CHST11: variants seen among roughly 807,000 people sequenced by gnomAD.
CHST11 encodes C4S-1.
Under a neutral mutation model 30.4 loss-of-function variants are expected in CHST11, and 9 were observed. That is an observed-to-expected ratio of 0.30 (90% CI 0.18 to 0.52). The LOEUF is 0.52. CHST11 is among the 20% of genes least tolerant of loss of function. The probability of loss-of-function intolerance (pLI) is 0.97; values close to 1 mark genes in which losing one functional copy is unlikely to be tolerated. For missense variants in CHST11, 348 were observed against 460.6 expected, an observed-to-expected ratio of 0.76 and a Z score of 2.24; for synonymous variants, 152 against 187.8, an observed-to-expected ratio of 0.81 and a Z score of 1.56.
chr12:104,713,946 T>C (rs1013750477), intron 2 of CHST11, among the ~76,000 whole-genome samples: 1 of 152,136 alleles, frequency 6.6e-6, no homozygotes, highest in African/African-American at 2.4e-5. Context: ...GGCAGTGGGT[T>C]CTCCTTGGGT....
chr12:104,687,833 T>C (rs946129158), intron 2 of CHST11, among the ~76,000 whole-genome samples: 1 of 151,796 alleles, frequency 6.6e-6, no homozygotes, highest in Non-Finnish European at 1.5e-5. Context: ...ACACCAACAA[T>C]ATTTCCTGGA....
chr12:104,750,278 C>T (rs915500074), intron 2 of CHST11, among the ~76,000 whole-genome samples: 1 of 151,966 alleles, frequency 6.6e-6, no homozygotes, highest in East Asian at 1.9e-4. Flanking sequence ...ACTCCAAACA[C>T]CCTGACCCAC....
At chr12:104,611,392 TA>T (rs1259027016) in intron 2 of CHST11, among the ~76,000 whole-genome samples, 4 of 152,230 alleles carry the variant, frequency 2.6e-5, no homozygotes, top group Non-Finnish European at 5.9e-5. Flanking sequence ...TGCTGGTCTG[TA>T]AAATGCCCCG....
intron 1 of CHST11, among the ~76,000 whole-genome samples, chr12:104,501,884 C>T (rs944718332): frequency 6.6e-6 from 1 of 152,218 alleles, no homozygotes; most frequent in African/African-American, 2.4e-5. Context: ...AATTGTTAAT[C>T]AGACACGTGG....
At chr12:104,694,952 G>C (rs578208056) in intron 2 of CHST11, among the ~76,000 whole-genome samples, 1 of 152,176 alleles carries the variant, frequency 6.6e-6, no homozygotes, top group South Asian at 2.1e-4. Flanking sequence ...GGCTGAGGGG[G>C]TTCCCACCGG....
At chr12:104,690,380 A>G (rs968125599) in intron 2 of CHST11, among the ~76,000 whole-genome samples, 6 of 152,198 alleles carry the variant, frequency 3.9e-5, no homozygotes, top group African/African-American at 9.7e-5. Flanking sequence ...GCTAAAAACT[A>G]TTCTTAAAGT....
At chr12:104,615,412 G>A (rs2039099509) in intron 2 of CHST11, among the ~76,000 whole-genome samples, 2 of 152,258 alleles carry the variant, frequency 1.3e-5, no homozygotes, top group Non-Finnish European at 2.9e-5. Context: ...GGCAAGCTCA[G>A]TGCTTGCCTG....
chr12:104,749,735 G>A (rs1380170533), intron 2 of CHST11, among the ~76,000 whole-genome samples: 1 of 152,216 alleles, frequency 6.6e-6, no homozygotes, highest in African/African-American at 2.4e-5. Flanking sequence ...GTTGCTGAGG[G>A]GTTATGACAG....
chr12:104,637,375 T>A (rs977851411), intron 2 of CHST11, among the ~76,000 whole-genome samples: 1 of 129,776 alleles, frequency 7.7e-6, no homozygotes, highest in Non-Finnish European at 1.6e-5. Flanking sequence ...TTAGGAGATA[T>A]ACCTAATGCT....
At chr12:104,510,020 T>C (rs1040385755) in intron 1 of CHST11, among the ~76,000 whole-genome samples, 1 of 152,174 alleles carries the variant, frequency 6.6e-6, no homozygotes, top group Non-Finnish European at 1.5e-5. Context: ...GTGAAGGTCA[T>C]CTACTTTTTT....
chr12:104,656,057 C>G (rs963967525), intron 2 of CHST11, among the ~76,000 whole-genome samples: 1 of 152,178 alleles, frequency 6.6e-6, no homozygotes, highest in African/African-American at 2.4e-5. Flanking sequence ...GGGGTAGTTC[C>G]TAGACCTAGA....
rs541153424 is a variant in CHST11, at chr12:104,661,293, G to A, written c.204+59302G>A. Among the ~76,000 whole-genome samples the A allele has an allele frequency of 3.9e-5, 6 of 152,268 alleles. No individual in the cohort carries two copies. In the South Asian group the frequency reaches 8.3e-4, roughly 21 times the overall value. ...TGTAATCCTAGCACTTTGGAAGGGC[G>A]AGGCGGGTAGATCGCTGGAGATTAC... On this transcript the variant is annotated intron_variant, in intron 2 of 2. Coordinates refer to ENST00000303694, the MANE Select transcript of CHST11 (RefSeq NM_018413.6).
intron 1 of CHST11, among the ~76,000 whole-genome samples, chr12:104,469,091 C>G (rs1282141192): frequency 6.6e-6 from 1 of 152,210 alleles, no homozygotes; most frequent in African/African-American, 2.4e-5. Context: ...AGATGCTGTT[C>G]TATTTAATTC....
intron 1 of CHST11, among the ~76,000 whole-genome samples, chr12:104,460,078 A>ATC (rs1291894623): frequency 6.6e-6 from 1 of 152,222 alleles, no homozygotes; most frequent in Non-Finnish European, 1.5e-5. Context: ...CTGATGTGGA[A>ATC]TCTCTTTCAC....
intron 1 of CHST11, among the ~76,000 whole-genome samples, chr12:104,497,909 CTTTTT>C (rs1205174607): frequency 5.2e-4 from 39 of 75,700 alleles, no homozygotes; most frequent in African/African-American, 2.0e-3. Context: ...CCTGCCCCCT[CTTTTT>C]TTTTTTTTTT....
intron 1 of CHST11, chr12:104,553,565 C>A: frequency 1.1e-5 from 1 of 87,040 alleles, no homozygotes; most frequent in South Asian, 4.5e-4. Flanking sequence ...CACATGGTGT[C>A]AGCGAGAGAG....
At position 104,757,567 on chromosome 12, in the gene CHST11, C is replaced by T. The variant is rs764821818; in HGVS notation, c.823C>T (p.Leu275Phe). ...CCATCCCTGCCACATCCACTATGAC[C>T]TCGTGGGCAAGTACGAGACACTGGA... The part of the protein sequence containing the change: ...LCHPCHIHYD[L>F]VGKYETLEED... The change falls in exon 3 of 3, where the codon CTC becomes TTC. Residue 275 changes from leucine to phenylalanine, a missense_variant. Physicochemically the swap from Leu to Phe is conservative, Grantham distance 22. Coordinates refer to ENST00000303694, the MANE Select transcript of CHST11 (RefSeq NM_018413.6). The surrounding 1 kb of genome is among the most constrained non-coding windows in gnomAD (Gnocchi z 6.5). The T allele has an allele frequency of 1.2e-6, 2 of 1,614,178 alleles. No homozygotes were observed. The highest frequency in any genetic ancestry group is 4.5e-5 in the East Asian group (2 of 44,882).
At chr12:104,694,261 G>T (rs577584435) in intron 2 of CHST11, among the ~76,000 whole-genome samples, 1 of 152,036 alleles carries the variant, frequency 6.6e-6, no homozygotes, top group Non-Finnish European at 1.5e-5. Context: ...CTCTCCAGCC[G>T]CAGTCCAGCC....
rs1374524459 is a variant in CHST11 at position 104,600,032 on chromosome 12, G to A, written c.119-1874G>A. On this transcript the variant is annotated intron_variant, in intron 1 of 2. Transcript: ENST00000303694. This position sits in a 1 kb window ranked among gnomAD's most constrained non-coding sequence, Gnocchi z 4.1. ...GGAAGAGTTATGACAGAGACTGCAGGGTGCAAAGCCTAAATACTGTTTGGC... is the reference window on the plus strand; with the variant it reads ...GGAAGAGTTATGACAGAGACTGCAGAGTGCAAAGCCTAAATACTGTTTGGC... Among the ~76,000 whole-genome samples, 1 of 152,172 alleles carries A rather than the reference G, an allele frequency of 6.6e-6. No homozygotes were observed. The highest frequency in any genetic ancestry group is 2.4e-5 in the African/African-American group (1 of 41,436).
Sources: allele counts gnomAD v4.1 joint callset (sites outside exome capture counted in the v4.1 genomes callset), GRCh38; gene constraint gnomAD v4.1.1; non-coding constraint Gnocchi (gnomAD v3.1); transcripts MANE v1.5; gene names NCBI Gene and HGNC (gene_info 2026-07-23, HGNC 2026-07-21).